The following INSYN1 variants were observed in gnomAD, a reference collection of about 807,000 sequenced individuals.
The protein encoded by INSYN1 is UPF0583 protein C15orf59.
INSYN1 carries 7 observed loss-of-function variants against 17.1 expected under a neutral mutation model. The ratio of observed to expected loss-of-function variants is 0.41; its 90% CI spans 0.23 to 0.77. The LOEUF is 0.77. INSYN1 is among the 30% of genes least tolerant of loss of function. INSYN1 has a pLI of 0.32. For synonymous variants in INSYN1, 174 were observed against 166.3 expected, an observed-to-expected ratio of 1.05 and a Z score of -0.36; for missense variants, 339 against 400.6, an observed-to-expected ratio of 0.85 and a Z score of 1.31.
chr15:73,738,238 G>A lies in INSYN1; in HGVS notation c.*1679C>T, dbSNP rs930471474. 43 of 152,318 alleles carry A rather than the reference G, an allele frequency of 2.8e-4. No homozygotes were observed. The highest frequency in any genetic ancestry group is 9.9e-4 in the African/African-American group (41 of 41,470). 9.4% of individuals were successfully genotyped at this position (152,318 alleles called of 1,614,324 possible). ...TACAGAGGAGGTAGATAGGCTCAGAGAGGCAAACGGACTTGCCAAGGTCAC... is the reference window on the plus strand; with the variant it reads ...TACAGAGGAGGTAGATAGGCTCAGAAAGGCAAACGGACTTGCCAAGGTCAC... On this transcript the variant is annotated 3_prime_UTR_variant, in exon 3 of 3. Transcript: ENST00000569673.
intron 2 of INSYN1, among the ~76,000 whole-genome samples, chr15:73,748,114 T>A (rs1262139289): frequency 6.6e-6 from 1 of 152,080 alleles, no homozygotes; most frequent in Non-Finnish European, 1.5e-5. Context: ...TAAATCCTTA[T>A]AAGATCACCG....
In INSYN1 at chr15:73,751,359, G is replaced by A; in HGVS notation, c.-229C>T. 1.8e-6 allele frequency: 1 copy of A among 561,106 alleles called. No homozygotes were observed. The highest frequency in any genetic ancestry group is 2.0e-5 in the South Asian group (1 of 49,538). 34.8% of individuals were successfully genotyped at this position (561,106 alleles called of 1,614,324 possible). A position where few individuals can be genotyped will look rare whatever the true frequency, so the allele number is the denominator to read the frequency against. ...GAGGGAGACAGAGTCTAGCAGAGGG[G>A]GTCAAGGTGAGGACACAGGAGAGGA... On this transcript the variant is annotated 5_prime_UTR_variant, in exon 2 of 3. Transcript: ENST00000569673.
chr15:73,742,813 G>A (rs528171831), intron 2 of INSYN1, among the ~76,000 whole-genome samples: 2 of 152,220 alleles, frequency 1.3e-5, no homozygotes, highest in African/African-American at 4.8e-5. Context: ...CTGGCCTAGC[G>A]TAGGGACACT....
chr15:73,746,190 C>T (rs1376724500), intron 2 of INSYN1, among the ~76,000 whole-genome samples: 1 of 152,022 alleles, frequency 6.6e-6, no homozygotes, highest in African/African-American at 2.4e-5. Context: ...ACGTTATTAT[C>T]TTCTTGGGGG....
At chr15:73,747,260 T>C (rs1001293895) in intron 2 of INSYN1, among the ~76,000 whole-genome samples, 1 of 152,158 alleles carries the variant, frequency 6.6e-6, no homozygotes, top group African/African-American at 2.4e-5. Context: ...GGAGACCCCC[T>C]TCCTGCCCCC....
At position 73,751,257 on chromosome 15, in the gene INSYN1, C is replaced by A. The variant is rs994251131; in HGVS notation, c.-127G>T. 2.6e-6 allele frequency: 3 copies of A among 1,162,300 alleles called. No homozygotes were observed. Among genetic ancestry groups the A allele is most frequent in the Non-Finnish European group, 3.6e-6 (3 of 828,220 alleles). 72.0% of individuals were successfully genotyped at this position (1,162,300 alleles called of 1,614,324 possible). ...TTAACGGCCCCCCAGCCCACCCTGGCCCTGGGCGGCCCTCAACCAGCCCCT... is the reference window on the plus strand; with the variant it reads ...TTAACGGCCCCCCAGCCCACCCTGGACCTGGGCGGCCCTCAACCAGCCCCT... On this transcript the variant is annotated 5_prime_UTR_variant, in exon 2 of 3. Transcript: ENST00000569673.
rs909060931 is a variant in INSYN1 at position 73,752,474 on chromosome 15, C to A, written c.-932G>T. 1 of 152,254 alleles carries A rather than the reference C, an allele frequency of 6.6e-6. No homozygotes were observed. The highest frequency in any genetic ancestry group is 2.1e-4 in the South Asian group (1 of 4,838). 9.4% of individuals were successfully genotyped at this position (152,254 alleles called of 1,614,324 possible). A position where few individuals can be genotyped will look rare whatever the true frequency, so the allele number is the denominator to read the frequency against. On this transcript the variant is annotated 5_prime_UTR_variant, in exon 1 of 3. Transcript: ENST00000569673. This position sits in a 1 kb window ranked among gnomAD's most constrained non-coding sequence, Gnocchi z 5.2. ...AGCCAAAGTCGGAGGGCTGGGAGGG[C>A]GCCGGGATCCCCTCAGCCCACGCCC...
intron 2 of INSYN1, among the ~76,000 whole-genome samples, chr15:73,742,768 T>G (rs893130298): frequency 6.6e-6 from 1 of 152,072 alleles, no homozygotes; most frequent in African/African-American, 2.4e-5. Flanking sequence ...AAGCCCTTGC[T>G]CAACCCAAGC....
intron 2 of INSYN1, among the ~76,000 whole-genome samples, chr15:73,745,222 T>C (rs1901791307): frequency 6.6e-6 from 1 of 151,652 alleles, no homozygotes; most frequent in Non-Finnish European, 1.5e-5. Flanking sequence ...CTCCCCAAAC[T>C]CCTAAGCCTC....
chr15:73,741,879 G>C (rs1336045525), intron 2 of INSYN1, among the ~76,000 whole-genome samples: 2 of 152,204 alleles, frequency 1.3e-5, no homozygotes, highest in Non-Finnish European at 2.9e-5. Context: ...GGCAAGGAGT[G>C]GGGGTAGTGA....
At chr15:73,750,155 C>T (rs1567037631) in intron 2 of INSYN1, among the ~76,000 whole-genome samples, 1 of 152,214 alleles carries the variant, frequency 6.6e-6, no homozygotes, top group East Asian at 1.9e-4. Flanking sequence ...GCTCAGAACG[C>T]TGGTCATGCA....
chr15:73,741,716 G>A (rs1012208783), intron 2 of INSYN1, among the ~76,000 whole-genome samples: 2 of 152,246 alleles, frequency 1.3e-5, no homozygotes, highest in East Asian at 1.9e-4. Context: ...GAGATCCACA[G>A]TGAGTCATCC....
At chr15:73,746,632 C>T (rs749927714) in intron 2 of INSYN1, among the ~76,000 whole-genome samples, 4 of 152,202 alleles carry the variant, frequency 2.6e-5, no homozygotes, top group South Asian at 2.1e-4. Flanking sequence ...GCTGGGGAAA[C>T]GTTGTGCCAA....
At chr15:73,743,431 G>C (rs2141466601) in intron 2 of INSYN1, among the ~76,000 whole-genome samples, 1 of 152,274 alleles carries the variant, frequency 6.6e-6, no homozygotes, top group East Asian at 1.9e-4. Context: ...TCTTGGCTGA[G>C]AGACCTTAGG....
chr15:73,740,923 G>T (rs999911532), intron 2 of INSYN1, among the ~76,000 whole-genome samples: 1 of 152,186 alleles, frequency 6.6e-6, no homozygotes, highest in Non-Finnish European at 1.5e-5. Flanking sequence ...TTCCAGCCCT[G>T]CACACCATCC....
chr15:73,751,049 G>T lies in INSYN1; in HGVS notation c.82C>A (p.Arg28Ser). The T allele has an allele frequency of 6.2e-7, 1 of 1,614,020 alleles. No homozygotes were observed. The highest frequency in any genetic ancestry group is 8.5e-7 in the Non-Finnish European group (1 of 1,180,018). The change falls in exon 2 of 3, where the codon CGC becomes AGC. Residue 28 changes from arginine (R) to serine (S), a missense_variant. Physicochemically the swap from Arg to Ser is moderately radical, Grantham distance 110. Coordinates refer to ENST00000569673, the MANE Select transcript of INSYN1 (RefSeq NM_001039614.3). Reference protein sequence around the residue: ...SGGERERIRQRMKMVIGQLEG... With the variant: ...SGGERERIRQSMKMVIGQLEG... ...AGCTGCCCGATGACCATCTTCATGCGCTGTCGAATCCGCTCCCGCTCACCA... is the reference window on the plus strand; with the variant it reads ...AGCTGCCCGATGACCATCTTCATGCTCTGTCGAATCCGCTCCCGCTCACCA...
Position 73,737,626 on chromosome 15 carries a change from T to A in INSYN1, c.*2291A>T, listed in dbSNP as rs1209180084. ...ACTCTTTAGGGCTCCAATCTCACCA[T>A]GAGCTTGAGGAATAAGCTCTACATT... is the stretch of plus-strand genomic sequence containing the variant. On this transcript the variant is annotated 3_prime_UTR_variant, in exon 3 of 3. Transcript: ENST00000569673. 1.3e-5 allele frequency: 2 copies of A among 152,306 alleles called. No individual in the cohort carries two copies. The highest frequency in any genetic ancestry group is 2.9e-5 in the Non-Finnish European group (2 of 68,082). 9.4% of individuals were successfully genotyped at this position (152,306 alleles called of 1,614,324 possible).
intron 2 of INSYN1, among the ~76,000 whole-genome samples, chr15:73,746,284 GTA>G (rs1216603907): frequency 6.6e-6 from 1 of 152,118 alleles, no homozygotes; most frequent in East Asian, 1.9e-4. Context: ...GGGAGCTTTG[GTA>G]AATCTGTCCG....
At position 73,751,261 on chromosome 15, in the gene INSYN1, G is replaced by C. The variant is rs1350595642; in HGVS notation, c.-131C>G. ...CGGCCCCCCAGCCCACCCTGGCCCT[G>C]GGCGGCCCTCAACCAGCCCCTGCCC... On this transcript the variant is annotated 5_prime_UTR_variant, in exon 2 of 3. Coordinates refer to ENST00000569673, the MANE Select transcript of INSYN1 (RefSeq NM_001039614.3). 2.6e-6 allele frequency: 3 copies of C among 1,167,374 alleles called. No homozygotes were observed. In the Admixed American group the frequency reaches 6.6e-5, roughly 26 times the overall value. The allele number at this position is 1,167,374 out of a possible 1,614,324, so 72.3% of individuals were successfully genotyped here.
Sources: allele counts gnomAD v4.1 joint callset (sites outside exome capture counted in the v4.1 genomes callset), GRCh38; gene constraint gnomAD v4.1.1; non-coding constraint Gnocchi (gnomAD v3.1); transcripts MANE v1.5; gene names NCBI Gene and HGNC (gene_info 2026-07-23, HGNC 2026-07-21).